MTDH: variants seen among roughly 807,000 people sequenced by gnomAD.
The protein encoded by MTDH is metadherin, also known as protein LYRIC.
A neutral mutation model predicts 72.7 loss-of-function variants in MTDH; 34 were observed. That is an observed-to-expected ratio of 0.47 (90% CI 0.36 to 0.62). The LOEUF (loss-of-function observed/expected upper bound fraction) is 0.62, where lower values mean the gene tolerates loss of function less well. Among genes scored for constraint, MTDH ranks in the 20% least tolerant of loss-of-function variants. The pLI is 0.00. For synonymous variants in MTDH, 266 were observed against 268.9 expected, an observed-to-expected ratio of 0.99 and a Z score of 0.10; for missense variants, 677 against 699.4, an observed-to-expected ratio of 0.97 and a Z score of 0.36.
chr8:97,658,019 C>A (rs749379668), intron 1 of MTDH, among the ~76,000 whole-genome samples: 3 of 152,178 alleles, frequency 2.0e-5, no homozygotes, highest in Non-Finnish European at 4.4e-5. Context: ...CACATTGGCT[C>A]TGCTGTATGA....
chr8:97,677,427 G>A (rs1466697343), intron 2 of MTDH, among the ~76,000 whole-genome samples: 1 of 150,778 alleles, frequency 6.6e-6, no homozygotes, highest in Non-Finnish European at 1.5e-5. Flanking sequence ...GGAGGCGGAG[G>A]TTGCAGTGAG....
At chr8:97,682,228 C>CTT (rs1813110373) in intron 2 of MTDH, among the ~76,000 whole-genome samples, 1 of 44,058 alleles carries the variant, frequency 2.3e-5, no homozygotes, top group Admixed American at 3.1e-4. Flanking sequence ...TTGTTAATTA[C>CTT]TTTATATATA....
In MTDH at chr8:97,657,053, C is replaced by T. The variant is rs561553251; in HGVS notation, c.382-4019C>T. On this transcript the variant is annotated intron_variant, in intron 1 of 11. Transcript: ENST00000336273. ...GATTGACTAGTCTGCTATGTGGCCC[C>T]CTCTTACATTCCATTTTCCCCTGAT... Among the ~76,000 whole-genome samples the T allele has an allele frequency of 8.9e-4, 135 of 152,094 alleles. 1 individual carries two copies. The highest frequency in any genetic ancestry group is 1.2e-3 in the Non-Finnish European group (79 of 67,996).
rs762432951 is a variant in MTDH, at chr8:97,644,243, G to A, written c.-264G>A. On this transcript the variant is annotated 5_prime_UTR_variant, in exon 1 of 12. Transcript: ENST00000336273. ...GGCCTGGCGCTGGCGCCGAGACGCCGCTTAGCGGCCGCCACTGGAGACACT... is the reference window on the plus strand; with the variant it reads ...GGCCTGGCGCTGGCGCCGAGACGCCACTTAGCGGCCGCCACTGGAGACACT... 29 of 493,980 alleles carry A rather than the reference G, an allele frequency of 5.9e-5. No homozygotes were observed. The highest frequency in any genetic ancestry group is 8.9e-5 in the Admixed American group (2 of 22,442). 30.6% of individuals were successfully genotyped at this position (493,980 alleles called of 1,614,324 possible).
intron 6 of MTDH, among the ~76,000 whole-genome samples, chr8:97,697,392 T>TG (rs1813906610): frequency 7.6e-6 from 1 of 131,444 alleles, no homozygotes; most frequent in Non-Finnish European, 1.6e-5. Context: ...TTTTTTTTTT[T>TG]TTTTTTTTTT....
rs376391821 is a variant in MTDH, at chr8:97,710,683, CAAAAAAAAAAA to C, written c.1273-2962_1273-2952del. Among the ~76,000 whole-genome samples, 301 of 53,132 alleles carry C rather than the reference CAAAAAAAAAAA, an allele frequency of 5.7e-3. 14 individuals carry two copies. In the South Asian group the frequency reaches 0.15, roughly 26 times the overall value. The allele number at this position is 53,132 out of a possible 152,430, so 34.9% of individuals were successfully genotyped here. ...CCTGGGCAACAGAGTGAGACTATCT[CAAAAAAAAAAA>C]AAAAAAAAAAAAAAAATAGATAAGG... On this transcript the variant is annotated intron_variant, in intron 8 of 11. Coordinates refer to ENST00000336273, the MANE Select transcript of MTDH (RefSeq NM_178812.4).
intron 9 of MTDH, 102 bp from the exon 10 acceptor site, chr8:97,718,947 C>A: frequency 9.2e-7 from 1 of 1,087,074 alleles, no homozygotes; most frequent in Non-Finnish European, 1.3e-6. Context: ...TCACCCACCT[C>A]CGCCTCCCAG....
At chr8:97,680,521 G>GCACACATGCCTATACATGTA (rs1249512793) in intron 2 of MTDH, among the ~76,000 whole-genome samples, 1 of 152,122 alleles carries the variant, frequency 6.6e-6, no homozygotes, top group African/African-American at 2.4e-5. Context: ...ACATACATGT[G>GCACACATGCCTATACATGTA]CACACATGCC....
intron 6 of MTDH, among the ~76,000 whole-genome samples, chr8:97,694,893 A>C (rs1451184941): frequency 1.3e-5 from 2 of 152,046 alleles, no homozygotes; most frequent in African/African-American, 4.8e-5. Context: ...ACTGCACTCC[A>C]GCCTTGGCAA....
chr8:97,692,641 G>A (rs1301753509), intron 6 of MTDH, among the ~76,000 whole-genome samples: 1 of 152,114 alleles, frequency 6.6e-6, no homozygotes, highest in Admixed American at 6.6e-5. Context: ...GCCTTCTAAA[G>A]TGTTAGGATT....
At chr8:97,704,969 A>G (rs529389249) in intron 7 of MTDH, among the ~76,000 whole-genome samples, 1 of 152,328 alleles carries the variant, frequency 6.6e-6, no homozygotes, top group Admixed American at 6.5e-5. Flanking sequence ...GTGGAATAGA[A>G]TAGAAATTGC....
Position 97,661,119 on chromosome 8 carries a change from A to G in MTDH, c.429A>G (p.Thr143=). 6.2e-7 allele frequency: 1 copy of G among 1,613,348 alleles called. No homozygotes were observed. Among genetic ancestry groups the G allele is most frequent in the Non-Finnish European group, 8.5e-7 (1 of 1,179,626 alleles). Residue 143 remains threonine (T), a synonymous_variant, in exon 2 of 12, where the codon ACA becomes ACG. Coordinates refer to ENST00000336273, the MANE Select transcript of MTDH (RefSeq NM_178812.4). ...TGGCTGAGGGTGAAGCTGTTCGAAC[A>G]CCTCAAAGTGTAACAGCAAAGCAGC... ...VEVAEGEAVR[T]PQSVTAKQPP... is the part of the protein sequence containing the mutation.
At chr8:97,661,978 T>C (rs1812188838) in intron 2 of MTDH, among the ~76,000 whole-genome samples, 1 of 151,980 alleles carries the variant, frequency 6.6e-6, no homozygotes, top group East Asian at 1.9e-4. Context: ...TGTGAGATTT[T>C]CCAAGTAAGA....
Position 97,730,058 on chromosome 8 carries a change from G to A in MTDH, c.*5388G>A, listed in dbSNP as rs149858194. ...ATAGTGTGTTGTAAGACATTTGCCA[G>A]CTAATAGTTACAGTACTGAAGCTTG... On this transcript the variant is annotated 3_prime_UTR_variant, in exon 12 of 12. Coordinates refer to ENST00000336273, the MANE Select transcript of MTDH (RefSeq NM_178812.4). Among the ~76,000 whole-genome samples, 224 of 152,280 alleles carry A rather than the reference G, an allele frequency of 1.5e-3. 2 individuals are homozygous for A. Among genetic ancestry groups the A allele is most frequent in the Non-Finnish European group, 1.3e-3 (90 of 68,010 alleles).
intron 5 of MTDH, among the ~76,000 whole-genome samples, chr8:97,689,328 CAT>C (rs1226436194): frequency 6.6e-6 from 1 of 152,048 alleles, no homozygotes. Context: ...CTTTTTCCCC[CAT>C]ATATAAAAAC....
intron 6 of MTDH, among the ~76,000 whole-genome samples, chr8:97,697,384 T>G (rs1432666771): frequency 8.0e-5 from 10 of 125,170 alleles, no homozygotes; most frequent in Admixed American, 7.7e-5. Flanking sequence ...TATTTCGGTT[T>G]TTTTTTTTTT....
intron 1 of MTDH, among the ~76,000 whole-genome samples, chr8:97,648,702 G>A (rs183640477): frequency 1.3e-5 from 2 of 152,202 alleles, no homozygotes; most frequent in Non-Finnish European, 2.9e-5. Flanking sequence ...TATTAGTGTA[G>A]GAATGTTTAT....
intron 8 of MTDH, among the ~76,000 whole-genome samples, chr8:97,708,071 C>G (rs1814437126): frequency 6.6e-6 from 1 of 151,306 alleles, no homozygotes; most frequent in Non-Finnish European, 1.5e-5. Context: ...TGAGTTCAAG[C>G]AATTCTCGTG....
chr8:97,724,271 T>G, intron 11 of MTDH, among the ~76,000 whole-genome samples: 1 of 152,200 alleles, frequency 6.6e-6, no homozygotes, highest in East Asian at 1.9e-4. Context: ...TTTCCTCCTT[T>G]ACTCTCTTCA....
Sources: gnomAD v4.1 joint callset for allele counts (sites outside exome capture counted in the v4.1 genomes callset) on GRCh38, gnomAD v4.1.1 for gene constraint, MANE v1.5 for transcripts, NCBI Gene and HGNC (gene_info 2026-07-23, HGNC 2026-07-21) for gene names.